Variants in UNCX observed in about 807,000 individuals in gnomAD.
UNCX encodes homeobox protein unc-4 homolog.
In UNCX, 4 loss-of-function variants were observed where a neutral mutation model predicts 14.8. The observed-to-expected ratio is 0.27, with a 90% CI of 0.13 to 0.62. The LOEUF is 0.62. Ranked by LOEUF, UNCX falls within the 20% of genes least tolerant of loss-of-function variation. The pLI is 0.86. For missense variants in UNCX, 749 were observed against 786.8 expected (o/e 0.95, Z 0.58); for synonymous variants, 459 against 395.8 (o/e 1.16, Z -1.90).
Position 1,233,753 on chromosome 7 carries a change from C to G in UNCX, c.450+58C>G. On this transcript the variant is annotated intron_variant, in intron 2 of 2. Coordinates refer to ENST00000316333, the MANE Select transcript of UNCX (RefSeq NM_001080461.3). The surrounding 1 kb of genome is among the most constrained non-coding windows in gnomAD (Gnocchi z 5.3). ...TCCGGACCCCAGGCTCTGGGCGCGC[C>G]GGGACGCCTTTGTTCCAGGTGGCGA... 11 of 1,541,466 alleles carry G rather than the reference C, an allele frequency of 7.1e-6. No individual in the cohort carries two copies. The highest frequency in any genetic ancestry group is 9.6e-6 in the Non-Finnish European group (11 of 1,141,050).
In UNCX at chr7:1,233,423, C is replaced by CCT; in HGVS notation, c.275-96_275-95insTC. ...TAGGCGGCCGTCTCTGCGCCCCCCC[C>CCT]CCCGGATCCAGGCGGCCAGCGGGTA... On this transcript the variant is annotated intron_variant, in intron 1 of 2. Coordinates refer to ENST00000316333, the MANE Select transcript of UNCX (RefSeq NM_001080461.3). The surrounding 1 kb of genome is among the most constrained non-coding windows in gnomAD (Gnocchi z 5.3). The CCT allele has an allele frequency of 2.2e-6, 3 of 1,381,020 alleles. 1 individual carries two copies. Among genetic ancestry groups the CCT allele is most frequent in the African/African-American group, 3.1e-5 (2 of 65,068 alleles). 85.5% of individuals were successfully genotyped at this position (1,381,020 alleles called of 1,614,324 possible).
Position 1,236,214 on chromosome 7 carries a change from C to T in UNCX, c.833C>T (p.Pro278Leu). 1 of 1,342,662 alleles carries T rather than the reference C, an allele frequency of 7.4e-7. No individual in the cohort carries two copies. Among genetic ancestry groups the T allele is most frequent in the South Asian group, 1.4e-5 (1 of 71,252 alleles). The allele number at this position is 1,342,662 out of a possible 1,614,324, so 83.2% of individuals were successfully genotyped here. A position where few individuals can be genotyped will look rare whatever the true frequency, so the allele number is the denominator to read the frequency against. The change falls in exon 3 of 3, where the codon CCC becomes CTC. Residue 278 changes from proline (P) to leucine (L), a missense_variant. Physicochemically the swap from Pro to Leu is moderately conservative, Grantham distance 98. Coordinates refer to ENST00000316333, the MANE Select transcript of UNCX (RefSeq NM_001080461.3). The surrounding 1 kb of genome is among the most constrained non-coding windows in gnomAD (Gnocchi z 6.9). Reference protein sequence around the residue: ...APAPPGEPPAPGTCDPAFYPS... With the variant: ...APAPPGEPPALGTCDPAFYPS... ...GCCCCTCCCGGCGAGCCGCCTGCAC[C>T]CGGCACCTGCGACCCCGCCTTCTAC...
At position 1,233,372 on chromosome 7, in the gene UNCX, G is replaced by A. The variant is rs1778680940; in HGVS notation, c.274+81G>A. The A allele has an allele frequency of 1.5e-6, 2 of 1,352,732 alleles. No homozygotes were observed. Among genetic ancestry groups the A allele is most frequent in the Non-Finnish European group, 9.4e-7 (1 of 1,058,616 alleles). 83.8% of individuals were successfully genotyped at this position (1,352,732 alleles called of 1,614,324 possible). A position where few individuals can be genotyped will look rare whatever the true frequency, so the allele number is the denominator to read the frequency against. Reference sequence around the variant, plus strand: ...GTCCGGCCGAGGCGCTGGGGGGCCCGGGGCTGGCGAAGGAGAGCCGGCTCC... The same window carrying A: ...GTCCGGCCGAGGCGCTGGGGGGCCCAGGGCTGGCGAAGGAGAGCCGGCTCC... On this transcript the variant is annotated intron_variant, in intron 1 of 2. Transcript: ENST00000316333. This position sits in a 1 kb window ranked among gnomAD's most constrained non-coding sequence, Gnocchi z 5.3.
Position 1,233,302 on chromosome 7 carries a change from C to A in UNCX, c.274+11C>A. On this transcript the variant is annotated intron_variant, in intron 1 of 2. Coordinates refer to ENST00000316333, the MANE Select transcript of UNCX (RefSeq NM_001080461.3). The surrounding 1 kb of genome is among the most constrained non-coding windows in gnomAD (Gnocchi z 5.3). Reference sequence around the variant, plus strand: ...CCTTCAAGCTGTCAGGTAGGCGCGGCGGGCGGGAGGGCGGGGAGGAGTGCG... The same window carrying A: ...CCTTCAAGCTGTCAGGTAGGCGCGGAGGGCGGGAGGGCGGGGAGGAGTGCG... 1 of 677,724 alleles carries A rather than the reference C, an allele frequency of 1.5e-6. No homozygotes were observed. The highest frequency in any genetic ancestry group is 2.0e-6 in the Non-Finnish European group (1 of 498,166). The allele number at this position is 677,724 out of a possible 1,614,324, so 42.0% of individuals were successfully genotyped here.
At position 1,237,019 on chromosome 7, in the gene UNCX, G is replaced by T; in HGVS notation, c.*42G>T. On this transcript the variant is annotated 3_prime_UTR_variant, in exon 3 of 3. Coordinates refer to ENST00000316333, the MANE Select transcript of UNCX (RefSeq NM_001080461.3). The surrounding 1 kb of genome is among the most constrained non-coding windows in gnomAD (Gnocchi z 5.8). ...AGAGGCGCGTAGCCGGCCCGCGGCC[G>T]CTCGCTCAGGCTCCGACTCACGCAA... 8.8e-7 allele frequency: 1 copy of T among 1,131,928 alleles called. No homozygotes were observed. Among genetic ancestry groups the T allele is most frequent in the Non-Finnish European group, 1.1e-6 (1 of 923,460 alleles). 70.1% of individuals were successfully genotyped at this position (1,131,928 alleles called of 1,614,324 possible). A position where few individuals can be genotyped will look rare whatever the true frequency, so the allele number is the denominator to read the frequency against.
At chr7:1,234,551 A>T (rs1356678189) in intron 2 of UNCX, among the ~76,000 whole-genome samples, 1 of 151,264 alleles carries the variant, frequency 6.6e-6, no homozygotes, top group Non-Finnish European at 1.5e-5. Context: ...ACGCTGGCAA[A>T]ACGCCTGTTT....
rs1457888614 is a variant in UNCX at position 1,236,317 on chromosome 7, AG to A, written c.940del (p.Ala314ProfsTer59). The A allele has an allele frequency of 1.5e-6, 2 of 1,307,596 alleles. No homozygotes were observed. Among genetic ancestry groups the A allele is most frequent in the Non-Finnish European group, 9.7e-7 (1 of 1,028,264 alleles). The allele number at this position is 1,307,596 out of a possible 1,614,324, so 81.0% of individuals were successfully genotyped here. On this transcript the variant is annotated frameshift_variant, in exon 3 of 3. Coordinates refer to ENST00000316333, the MANE Select transcript of UNCX (RefSeq NM_001080461.3). LOFTEE classifies it low-confidence loss of function (END_TRUNC). The surrounding 1 kb of genome is among the most constrained non-coding windows in gnomAD (Gnocchi z 6.9). ...ACAAGGACGCGGCCTCGTGCGGGCC[AG>A]GGGCCGCTGTGGCGGCGGTGGAGCG... is the stretch of plus-strand genomic sequence containing the variant. The part of the protein sequence containing the change: ...ADKDAASCGP[G>X]AAVAAVERGA...
In UNCX at chr7:1,233,729, C is replaced by G. The variant is rs769486891; in HGVS notation, c.450+34C>G. 3.2e-6 allele frequency: 5 copies of G among 1,573,162 alleles called. No individual in the cohort carries two copies. The Admixed American group carries it at 5.3e-5, about 17-fold the overall frequency. The stretch of plus-strand genomic sequence containing the variant: ...CCGGCGTCGCTCCCGGATCTGCCAT[C>G]CGGACCCCAGGCTCTGGGCGCGCCG... On this transcript the variant is annotated intron_variant, in intron 2 of 2. Transcript: ENST00000316333. This position sits in a 1 kb window ranked among gnomAD's most constrained non-coding sequence, Gnocchi z 5.3.
In UNCX at chr7:1,236,960, G is replaced by T; in HGVS notation, c.1579G>T (p.Glu527Ter). The stretch of plus-strand genomic sequence containing the variant: ...CGGACCCAGCCCGCCGGAGGGCGAG[G>T]AGCTGGACATGGACTGAGGCCGCGG... The part of the protein sequence containing the change: ...AAGPSPPEGE[E>*]LDMD Residue 527 changes from glutamate (E) to a stop codon, truncating the protein, a stop_gained, in exon 3 of 3, where the codon GAG becomes TAG. Coordinates refer to ENST00000316333, the MANE Select transcript of UNCX (RefSeq NM_001080461.3). LOFTEE classifies it high-confidence loss of function. This position sits in a 1 kb window ranked among gnomAD's most constrained non-coding sequence, Gnocchi z 6.9. 8.3e-7 allele frequency: 1 copy of T among 1,198,608 alleles called. No homozygotes were observed. Among genetic ancestry groups the T allele is most frequent in the Non-Finnish European group, 1.0e-6 (1 of 966,304 alleles). The allele number at this position is 1,198,608 out of a possible 1,614,324, so 74.2% of individuals were successfully genotyped here. A position where few individuals can be genotyped will look rare whatever the true frequency, so the allele number is the denominator to read the frequency against.
intron 2 of UNCX, 84 bp from the exon 3 acceptor site, chr7:1,235,748 C>CT: frequency 3.0e-6 from 4 of 1,327,260 alleles, no homozygotes; most frequent in Non-Finnish European, 4.1e-6. Context: ...GCAGGCCCCT[C>CT]TGGGGGGAGC....
rs1187127097 is a variant in UNCX, at chr7:1,233,247, C to A, written c.230C>A (p.Ala77Asp). Residue 77 changes from alanine to aspartate, a missense_variant, in exon 1 of 3, where the codon GCC becomes GAC. Physicochemically the swap from Ala to Asp is moderately radical, Grantham distance 126. Around this residue, in one of 3 missense-constraint regions of UNCX, gnomAD observed 155 missense variants for 166.7 expected, o/e 0.93. Transcript: ENST00000316333. The surrounding 1 kb of genome is among the most constrained non-coding windows in gnomAD (Gnocchi z 5.3). Reference protein sequence around the residue: ...SVVNPTPLLPAACGVGGDGQP... With the variant: ...SVVNPTPLLPDACGVGGDGQP... ...GTCAACCCCACGCCGCTGCTGCCAG[C>A]CGCCTGCGGGGTCGGCGGGGACGGC... 1.1e-5 allele frequency: 15 copies of A among 1,368,488 alleles called. No individual in the cohort carries two copies. Among genetic ancestry groups the A allele is most frequent in the South Asian group, 1.7e-5 (1 of 58,468 alleles). The allele number at this position is 1,368,488 out of a possible 1,614,324, so 84.8% of individuals were successfully genotyped here.
At position 1,233,419 on chromosome 7, in the gene UNCX, C is replaced by CCT; in HGVS notation, c.275-100_275-99insTC. ...CTCCTAGGCGGCCGTCTCTGCGCCC[C>CCT]CCCCCCCGGATCCAGGCGGCCAGCG... On this transcript the variant is annotated intron_variant, in intron 1 of 2. Coordinates refer to ENST00000316333, the MANE Select transcript of UNCX (RefSeq NM_001080461.3). This position sits in a 1 kb window ranked among gnomAD's most constrained non-coding sequence, Gnocchi z 5.3. 1 of 1,374,688 alleles carries CCT rather than the reference C, an allele frequency of 7.3e-7. No individual in the cohort carries two copies. 85.2% of individuals were successfully genotyped at this position (1,374,688 alleles called of 1,614,324 possible). A position where few individuals can be genotyped will look rare whatever the true frequency, so the allele number is the denominator to read the frequency against.
At chr7:1,234,064 A>T (rs1434831565) in intron 2 of UNCX, among the ~76,000 whole-genome samples, 2 of 151,114 alleles carry the variant, frequency 1.3e-5, no homozygotes, top group African/African-American at 4.9e-5. Flanking sequence ...CCCGGAGGAG[A>T]GAGGGAAGGG....
In UNCX at chr7:1,233,293, T is replaced by C. The variant is rs971819722; in HGVS notation, c.274+2T>C. The C allele has an allele frequency of 9.1e-6, 12 of 1,319,264 alleles. No homozygotes were observed. The highest frequency in any genetic ancestry group is 6.2e-5 in the African/African-American group (4 of 64,262). The allele number at this position is 1,319,264 out of a possible 1,614,324, so 81.7% of individuals were successfully genotyped here. A position where few individuals can be genotyped will look rare whatever the true frequency, so the allele number is the denominator to read the frequency against. ...ACGGCCAGCCCTTCAAGCTGTCAGG[T>C]AGGCGCGGCGGGCGGGAGGGCGGGG... On this transcript the variant is annotated splice_donor_variant, in intron 1 of 2. Transcript: ENST00000316333. LOFTEE classifies it high-confidence loss of function. This position sits in a 1 kb window ranked among gnomAD's most constrained non-coding sequence, Gnocchi z 5.3.
At chr7:1,235,179 G>T (rs1428559583) in intron 2 of UNCX, among the ~76,000 whole-genome samples, 1 of 152,248 alleles carries the variant, frequency 6.6e-6, no homozygotes, top group East Asian at 1.9e-4. Context: ...GTTTGGGAAG[G>T]CTCCGTTGGC....
In UNCX at chr7:1,233,065, C is replaced by T; in HGVS notation, c.48C>T (p.Gly16=). 1 of 1,424,216 alleles carries T rather than the reference C, an allele frequency of 7.0e-7. No individual in the cohort carries two copies. Among genetic ancestry groups the T allele is most frequent in the Non-Finnish European group, 9.2e-7 (1 of 1,087,096 alleles). 88.2% of individuals were successfully genotyped at this position (1,424,216 alleles called of 1,614,324 possible). Residue 16 remains glycine (G), a synonymous_variant, in exon 1 of 3, where the codon GGC becomes GGT. Transcript: ENST00000316333. This position sits in a 1 kb window ranked among gnomAD's most constrained non-coding sequence, Gnocchi z 5.3. ...AACACCCGCATGCCCAGTTCGGGGGCTCGCTGGGCGGCGTGGTGGGCTTCC... is the reference window on the plus strand; with the variant it reads ...AACACCCGCATGCCCAGTTCGGGGGTTCGCTGGGCGGCGTGGTGGGCTTCC... ...LLEHPHAQFG[G]SLGGVVGFPY... is the part of the protein sequence containing the mutation.
chr7:1,233,828 G>C lies in UNCX; in HGVS notation c.450+133G>C, dbSNP rs1420624215. On this transcript the variant is annotated intron_variant, in intron 2 of 2. Coordinates refer to ENST00000316333, the MANE Select transcript of UNCX (RefSeq NM_001080461.3). The surrounding 1 kb of genome is among the most constrained non-coding windows in gnomAD (Gnocchi z 5.3). ...CGCTTCGCGCTCGCCTGCTGGGGAA[G>C]AGTGGAGGGGTGGGGGTTCTGGGGC... The C allele has an allele frequency of 1.7e-6, 2 of 1,176,282 alleles. No individual in the cohort carries two copies. The highest frequency in any genetic ancestry group is 2.3e-6 in the Non-Finnish European group (2 of 866,326). 72.9% of individuals were successfully genotyped at this position (1,176,282 alleles called of 1,614,324 possible).
chr7:1,235,793 C>T, intron 2 of UNCX, 39 bp from the exon 3 acceptor site: 2 of 1,576,658 alleles, frequency 1.3e-6, no homozygotes, highest in South Asian at 2.3e-5. Context: ...CAGCCCGCCG[C>T]CTGATTGTGG....
chr7:1,232,951 T>G lies in UNCX; in HGVS notation c.-67T>G. ...CGCCGCCGCCCGCGCCTCCCGCCGC[T>G]GGCCCGCCCCGGCCCCGGCCCGCGC... On this transcript the variant is annotated 5_prime_UTR_variant, in exon 1 of 3. Coordinates refer to ENST00000316333, the MANE Select transcript of UNCX (RefSeq NM_001080461.3). 1 of 804,728 alleles carries G rather than the reference T, an allele frequency of 1.2e-6. No individual in the cohort carries two copies. Among genetic ancestry groups the G allele is most frequent in the Non-Finnish European group, 1.5e-6 (1 of 671,098 alleles). The allele number at this position is 804,728 out of a possible 1,614,324, so 49.8% of individuals were successfully genotyped here.
Sources: allele counts gnomAD v4.1 joint callset (sites outside exome capture counted in the v4.1 genomes callset), GRCh38; gene constraint gnomAD v4.1.1; regional missense constraint gnomAD v4.1.1; non-coding constraint Gnocchi (gnomAD v3.1); transcripts MANE v1.5; gene names NCBI Gene and HGNC (gene_info 2026-07-23, HGNC 2026-07-21).